The following FRMD5 variants were observed in gnomAD, a reference collection of about 807,000 sequenced individuals.
FRMD5 encodes FERM domain-containing protein 5.
A neutral mutation model predicts 69.0 loss-of-function variants in FRMD5; 20 were observed. The observed-to-expected ratio is 0.29, with a 90% CI of 0.20 to 0.42. The LOEUF is 0.42. Ranked by LOEUF, FRMD5 falls within the 10% of genes least tolerant of loss-of-function variation. The probability of loss-of-function intolerance (pLI) is 1.00; values close to 1 mark genes in which losing one functional copy is unlikely to be tolerated. For missense variants in FRMD5, 595 were observed against 708.6 expected (o/e 0.84, Z 1.82); for synonymous variants, 271 against 260.1 (o/e 1.04, Z -0.40).
chr15:44,092,673 T>C (rs563029564), intron 1 of FRMD5, among the ~76,000 whole-genome samples: 63 of 152,300 alleles, frequency 4.1e-4, no homozygotes, highest in African/African-American at 1.5e-3. Context: ...TCTAGTGAAA[T>C]GGGTTTTGCT....
At chr15:44,038,206 A>G (rs1364523443) in intron 1 of FRMD5, among the ~76,000 whole-genome samples, 3 of 152,176 alleles carry the variant, frequency 2.0e-5, no homozygotes, top group Admixed American at 6.5e-5. Context: ...TGTCAGATGG[A>G]TAGATTGCAA....
intron 1 of FRMD5, among the ~76,000 whole-genome samples, chr15:44,101,092 T>C (rs1031594933): frequency 1.3e-5 from 2 of 149,660 alleles, no homozygotes; most frequent in African/African-American, 4.9e-5. Context: ...GAGGTTGCAG[T>C]GAGCCGAGAT....
intron 1 of FRMD5, among the ~76,000 whole-genome samples, chr15:44,107,593 G>T (rs2076738393): frequency 6.6e-6 from 1 of 152,072 alleles, no homozygotes; most frequent in Admixed American, 6.6e-5. Context: ...TATGATTAGA[G>T]GGGGGAAAGC....
chr15:44,040,004 A>G (rs1456885662), intron 1 of FRMD5, among the ~76,000 whole-genome samples: 3 of 152,062 alleles, frequency 2.0e-5, no homozygotes, highest in Non-Finnish European at 2.9e-5. Flanking sequence ...GCTGAAAAAC[A>G]CAGCACAAGA....
At chr15:43,995,523 C>A (rs576836616) in intron 1 of FRMD5, among the ~76,000 whole-genome samples, 1 of 151,936 alleles carries the variant, frequency 6.6e-6, no homozygotes, top group Non-Finnish European at 1.5e-5. Context: ...TTCATGGAGA[C>A]TGTCCTGGCA....
At chr15:44,156,209 T>C (rs1283139940) in intron 1 of FRMD5, among the ~76,000 whole-genome samples, 1 of 152,110 alleles carries the variant, frequency 6.6e-6, no homozygotes, top group Non-Finnish European at 1.5e-5. Context: ...AGTGGCATGA[T>C]CTCGGCTCAC....
At chr15:44,103,927 A>C (rs1407434998) in intron 1 of FRMD5, among the ~76,000 whole-genome samples, 1 of 152,252 alleles carries the variant, frequency 6.6e-6, no homozygotes, top group Non-Finnish European at 1.5e-5. Flanking sequence ...GGTGTAAACA[A>C]ACCTACTGCA....
At chr15:43,920,060 T>G (rs2089465966) in intron 2 of FRMD5, among the ~76,000 whole-genome samples, 1 of 152,188 alleles carries the variant, frequency 6.6e-6, no homozygotes, top group African/African-American at 2.4e-5. Context: ...AATGCTGTCT[T>G]CTAAAGCAGG....
chr15:43,983,842 A>G (rs2090584071), intron 1 of FRMD5, among the ~76,000 whole-genome samples: 2 of 152,206 alleles, frequency 1.3e-5, no homozygotes, highest in Admixed American at 1.3e-4. Flanking sequence ...TTTCATCTTC[A>G]GGGGCCTAGT....
At chr15:43,888,633 G>A (rs149705173) in intron 9 of FRMD5, among the ~76,000 whole-genome samples, 176 bp downstream of exon 9, 1 of 152,200 alleles carries the variant, frequency 6.6e-6, no homozygotes, top group Non-Finnish European at 1.5e-5. Flanking sequence ...CCCTGAGGAA[G>A]TCCTGTGCTC....
chr15:44,189,905 A>C (rs1336432457), intron 1 of FRMD5, among the ~76,000 whole-genome samples: 1 of 152,176 alleles, frequency 6.6e-6, no homozygotes, highest in African/African-American at 2.4e-5. Flanking sequence ...GTCTTAGGGG[A>C]AACACCATTC....
intron 1 of FRMD5, among the ~76,000 whole-genome samples, chr15:44,025,792 G>A (rs1371135421): frequency 2.0e-5 from 3 of 152,322 alleles, no homozygotes; most frequent in Middle Eastern, 3.4e-3. Flanking sequence ...CCACTCTTGA[G>A]AGCCAGGCTT....
intron 1 of FRMD5, among the ~76,000 whole-genome samples, chr15:44,055,770 T>G (rs1191601861): frequency 1.3e-5 from 2 of 152,240 alleles, no homozygotes; most frequent in Admixed American, 1.3e-4. Context: ...TTAACTATTG[T>G]GTGACCTTAA....
At chr15:44,094,922 AAATT>A (rs1253574837) in intron 1 of FRMD5, among the ~76,000 whole-genome samples, 1 of 152,110 alleles carries the variant, frequency 6.6e-6, no homozygotes, top group Non-Finnish European at 1.5e-5. Context: ...AGCTTTGACA[AAATT>A]ATTATATCCA....
chr15:44,011,216 C>G (rs889818829), intron 1 of FRMD5, among the ~76,000 whole-genome samples: 13 of 151,970 alleles, frequency 8.6e-5, no homozygotes, highest in African/African-American at 2.9e-4. Context: ...CCCTTTCTTC[C>G]TTCCTAATAC....
At chr15:43,920,007 G>A (rs945666243) in intron 2 of FRMD5, among the ~76,000 whole-genome samples, 198 bp from the exon 3 acceptor site, 4 of 152,218 alleles carry the variant, frequency 2.6e-5, no homozygotes, top group Non-Finnish European at 2.9e-5. Context: ...TGTGAAGGGG[G>A]GAATAGTTCC....
intron 1 of FRMD5, among the ~76,000 whole-genome samples, chr15:44,020,154 T>C (rs1281671186): frequency 6.6e-6 from 1 of 152,106 alleles, no homozygotes; most frequent in East Asian, 1.9e-4. Flanking sequence ...TTTCTTTTTC[T>C]GAGACAGGGT....
In FRMD5 at chr15:43,873,789, T is replaced by C; in HGVS notation, c.*96A>G. On this transcript the variant is annotated 3_prime_UTR_variant, in exon 14 of 14. Transcript: ENST00000417257. The stretch of plus-strand genomic sequence containing the variant: ...TGAGTCATGAGAGGAGGACTTGGTA[T>C]ATGTGCCGATGGTTCCGCGATGGGT... 1 of 1,545,938 alleles carries C rather than the reference T, an allele frequency of 6.5e-7. No individual in the cohort carries two copies. Among genetic ancestry groups the C allele is most frequent in the Non-Finnish European group, 8.7e-7 (1 of 1,147,772 alleles).
intron 1 of FRMD5, among the ~76,000 whole-genome samples, chr15:43,995,804 T>C (rs1170736601): frequency 6.6e-6 from 1 of 152,000 alleles, no homozygotes; most frequent in Non-Finnish European, 1.5e-5. Context: ...TTTTGAGGGC[T>C]AATGTAGGTC....
Sources: allele counts gnomAD v4.1 joint callset (sites outside exome capture counted in the v4.1 genomes callset), GRCh38; gene constraint gnomAD v4.1.1; transcripts MANE v1.5; gene names NCBI Gene and HGNC (gene_info 2026-07-23, HGNC 2026-07-21).